The following LRBA variants were observed in gnomAD, a reference collection of about 807,000 sequenced individuals.
LRBA encodes the protein lipopolysaccharide-responsive and beige-like anchor protein.
LRBA carries 176 observed loss-of-function variants against 330.0 expected under a neutral mutation model. That is an observed-to-expected ratio of 0.53 (90% confidence interval 0.47 to 0.60). The LOEUF is 0.60. LRBA is among the 20% of genes least tolerant of loss of function. The pLI is 0.00. For synonymous variants in LRBA, 1,230 were observed against 1,193.0 expected (o/e 1.03, Z -0.64); for missense variants, 3,259 against 3,444.8 (o/e 0.95, Z 1.35).
chr4:150,455,211 G>C (rs1415989129), intron 44 of LRBA, among the ~76,000 whole-genome samples: 2 of 149,454 alleles, frequency 1.3e-5, no homozygotes, highest in African/African-American at 2.5e-5. Flanking sequence ...ACCTATGAGT[G>C]AGAATATGTG....
intron 17 of LRBA, among the ~76,000 whole-genome samples, chr4:150,883,791 T>A (rs1029399779): frequency 3.3e-5 from 5 of 152,190 alleles, no homozygotes; most frequent in African/African-American, 1.2e-4. Context: ...TGGGACTAAA[T>A]CTTCACATTT....
intron 2 of LRBA, among the ~76,000 whole-genome samples, chr4:150,942,529 C>A (rs1284262492): frequency 2.0e-5 from 3 of 152,108 alleles, no homozygotes; most frequent in African/African-American, 7.2e-5. Flanking sequence ...ACAATATAGT[C>A]ATTTAATATG....
At chr4:150,768,454 T>C (rs1736085071) in intron 34 of LRBA, among the ~76,000 whole-genome samples, 1 of 152,174 alleles carries the variant, frequency 6.6e-6, no homozygotes, top group African/African-American at 2.4e-5. Context: ...TGGTAAACAT[T>C]GGAAGTTTAT....
chr4:150,737,704 A>G (rs1731397144), intron 35 of LRBA, among the ~76,000 whole-genome samples: 1 of 152,156 alleles, frequency 6.6e-6, no homozygotes, highest in Non-Finnish European at 1.5e-5. Flanking sequence ...AAAAGAATTT[A>G]GCTTTCATCA....
chr4:150,880,951 C>T (rs1427553680), intron 17 of LRBA, among the ~76,000 whole-genome samples: 7 of 152,124 alleles, frequency 4.6e-5, no homozygotes, highest in African/African-American at 1.4e-4. Context: ...TAATTAACAT[C>T]GCTAATCATC....
chr4:150,295,516 C>T (rs1035231496), intron 53 of LRBA, among the ~76,000 whole-genome samples: 24 of 152,164 alleles, frequency 1.6e-4, no homozygotes, highest in African/African-American at 5.3e-4. Flanking sequence ...TTTATTGTCT[C>T]TGATTATCAA....
chr4:150,591,415 A>T (rs1772810955), intron 38 of LRBA, among the ~76,000 whole-genome samples: 1 of 152,204 alleles, frequency 6.6e-6, no homozygotes, highest in African/African-American at 2.4e-5. Context: ...AGCTCCTCAA[A>T]GCTGCAATCT....
At chr4:150,777,071 T>TGTC (rs1685374532) in intron 34 of LRBA, among the ~76,000 whole-genome samples, 1 of 131,916 alleles carries the variant, frequency 7.6e-6, no homozygotes, top group Admixed American at 7.0e-5. Flanking sequence ...GGGGTTTTGT[T>TGTC]GTTGTTGTTG....
chr4:150,387,487 C>A (rs541741990), intron 47 of LRBA, among the ~76,000 whole-genome samples: 4 of 152,148 alleles, frequency 2.6e-5, no homozygotes, highest in African/African-American at 7.2e-5. Flanking sequence ...ATTAAATAAA[C>A]CCTGTTGGCC....
intron 55 of LRBA, among the ~76,000 whole-genome samples, chr4:150,280,751 A>AT (rs1475888235): frequency 3.9e-5 from 6 of 152,180 alleles, no homozygotes; most frequent in Non-Finnish European, 7.3e-5. Context: ...GGAGCTGGAG[A>AT]TTCTGCCCTG....
At chr4:150,772,393 G>A (rs1399218530) in intron 34 of LRBA, among the ~76,000 whole-genome samples, 3 of 152,074 alleles carry the variant, frequency 2.0e-5, no homozygotes, top group Non-Finnish European at 4.4e-5. Context: ...AGGATATTTG[G>A]GCCACTTCAT....
At chr4:150,954,589 C>T (rs1001410323) in intron 2 of LRBA, among the ~76,000 whole-genome samples, 1 of 149,914 alleles carries the variant, frequency 6.7e-6, no homozygotes, top group Admixed American at 6.6e-5. Flanking sequence ...AGAGTCATCA[C>T]CACTCCCTAA....
At chr4:150,428,555 C>T (rs1749952583) in intron 46 of LRBA, among the ~76,000 whole-genome samples, 1 of 152,068 alleles carries the variant, frequency 6.6e-6, no homozygotes, top group Non-Finnish European at 1.5e-5. Flanking sequence ...TCTCCATTTT[C>T]TCCTCAAACT....
chr4:150,768,641 G>A (rs576880873), intron 34 of LRBA, among the ~76,000 whole-genome samples: 1 of 152,226 alleles, frequency 6.6e-6, no homozygotes, highest in East Asian at 1.9e-4. Flanking sequence ...GGGAACTCAT[G>A]CATCACCAGT....
At chr4:150,439,259 C>A (rs987800730) in intron 44 of LRBA, among the ~76,000 whole-genome samples, 2 of 152,124 alleles carry the variant, frequency 1.3e-5, no homozygotes. Context: ...AAATGAGTAA[C>A]CCCCAAAATC....
At chr4:150,754,251 G>GAATAAAATA (rs574293646) in intron 35 of LRBA, among the ~76,000 whole-genome samples, 2,629 of 151,684 alleles carry the variant, frequency 0.017, 115 homozygotes, top group African/African-American at 0.057. Flanking sequence ...CAAAACATAT[G>GAATAAAATA]AATAAAATAA....
chr4:150,714,412 A>C (rs553978054), intron 36 of LRBA, among the ~76,000 whole-genome samples: 2 of 152,308 alleles, frequency 1.3e-5, no homozygotes, highest in East Asian at 3.9e-4. Context: ...TAGCAAAACA[A>C]ACTTCACTAG....
At chr4:150,969,158 G>C (rs1739238062) in intron 2 of LRBA, among the ~76,000 whole-genome samples, 1 of 152,208 alleles carries the variant, frequency 6.6e-6, no homozygotes, top group South Asian at 2.1e-4. Context: ...TATACAAGGA[G>C]ATTCACGTTG....
At chr4:150,619,269 G>A (rs948017837) in intron 37 of LRBA, among the ~76,000 whole-genome samples, 1 of 152,074 alleles carries the variant, frequency 6.6e-6, no homozygotes, top group African/African-American at 2.4e-5. Context: ...AAATCCATTG[G>A]GAAAAAGGCT....
Sources: allele counts gnomAD v4.1 joint callset (sites outside exome capture counted in the v4.1 genomes callset), GRCh38; gene constraint gnomAD v4.1.1; transcripts MANE v1.5; gene names NCBI Gene and HGNC (gene_info 2026-07-23, HGNC 2026-07-21).